ZNF385D: variants seen among roughly 807,000 people sequenced by gnomAD.
ZNF385D encodes zinc finger protein 659.
ZNF385D carries 15 observed loss-of-function variants against 35.8 expected under a neutral mutation model. The observed-to-expected ratio is 0.42, with a 90% CI of 0.28 to 0.64. The LOEUF (loss-of-function observed/expected upper bound fraction) is 0.64. Ranked by LOEUF, ZNF385D falls within the 30% of genes least tolerant of loss-of-function variation. The probability of loss-of-function intolerance (pLI) is 0.23; values close to 1 mark genes in which losing one functional copy is unlikely to be tolerated. For missense variants in ZNF385D, 474 were observed against 494.6 expected, an observed-to-expected ratio of 0.96 and a Z score of 0.39; for synonymous variants, 212 against 186.8, an observed-to-expected ratio of 1.13 and a Z score of -1.10.
At chr3:22,095,085 TTTC>T (rs1248773867) in intron 3 of ZNF385D, among the ~76,000 whole-genome samples, 2 of 127,488 alleles carry the variant, frequency 1.6e-5, no homozygotes, top group African/African-American at 3.0e-5. Flanking sequence ...TTTTTCATTC[TTTC>T]TTTTTTTTTT....
intron 2 of ZNF385D, among the ~76,000 whole-genome samples, chr3:21,652,005 A>G (rs1223301807): frequency 1.3e-5 from 2 of 152,196 alleles, no homozygotes; most frequent in Non-Finnish European, 2.9e-5. Flanking sequence ...CATCATCTCA[A>G]TCAGATTCCA....
At chr3:21,621,120 C>T (rs1025078542) in intron 2 of ZNF385D, among the ~76,000 whole-genome samples, 4 of 152,084 alleles carry the variant, frequency 2.6e-5, no homozygotes, top group African/African-American at 7.2e-5. Flanking sequence ...AGGGAGGCTG[C>T]AAAAGCACAA....
intron 3 of ZNF385D, among the ~76,000 whole-genome samples, chr3:22,113,012 C>A (rs946500041): frequency 6.6e-6 from 1 of 151,980 alleles, no homozygotes; most frequent in Non-Finnish European, 1.5e-5. Flanking sequence ...CCTTGGTCAA[C>A]CCCAACAATC....
intron 2 of ZNF385D, among the ~76,000 whole-genome samples, chr3:21,575,320 C>T (rs141542331): frequency 6.8e-4 from 104 of 152,142 alleles, no homozygotes; most frequent in African/African-American, 1.9e-3. Flanking sequence ...AAAAGTCTTA[C>T]GGTTACTTTG....
At chr3:21,557,126 C>CT (rs2062770492) in intron 3 of ZNF385D, among the ~76,000 whole-genome samples, 1 of 152,180 alleles carries the variant, frequency 6.6e-6, no homozygotes, top group Admixed American at 6.5e-5. Context: ...GACAAGTTGA[C>CT]TTCCCCTTTT....
intron 2 of ZNF385D, among the ~76,000 whole-genome samples, chr3:22,279,002 C>A (rs758101191): frequency 6.6e-6 from 1 of 152,044 alleles, no homozygotes; most frequent in South Asian, 2.1e-4. Context: ...GGACCTAGCC[C>A]TTCTACATTC....
chr3:21,511,101 A>T, intron 3 of ZNF385D, 78 bp from the exon 4 acceptor site: 1 of 1,549,580 alleles, frequency 6.5e-7, no homozygotes, highest in Non-Finnish European at 8.8e-7. Flanking sequence ...GCAAATACAG[A>T]CTCCCTTTCA....
At chr3:21,946,606 T>G (rs1463128095) in intron 3 of ZNF385D, among the ~76,000 whole-genome samples, 1 of 152,048 alleles carries the variant, frequency 6.6e-6, no homozygotes, top group Non-Finnish European at 1.5e-5. Context: ...CTGAGGCAAG[T>G]GGATCACTTG....
intron 4 of ZNF385D, among the ~76,000 whole-genome samples, chr3:21,483,456 C>A (rs1704792178): frequency 6.6e-6 from 1 of 152,052 alleles, no homozygotes; most frequent in Non-Finnish European, 1.5e-5. Context: ...GAGTAAATAC[C>A]CAGCAGTAAG....
At chr3:22,209,029 T>C (rs1308600989) in intron 2 of ZNF385D, among the ~76,000 whole-genome samples, 1 of 151,922 alleles carries the variant, frequency 6.6e-6, no homozygotes, top group Admixed American at 6.6e-5. Context: ...GTCTCAGTCT[T>C]TGATATGGCC....
intron 3 of ZNF385D, among the ~76,000 whole-genome samples, chr3:22,093,565 G>A (rs1414723042): frequency 6.6e-6 from 1 of 151,996 alleles, no homozygotes; most frequent in Non-Finnish European, 1.5e-5. Flanking sequence ...GGATTATGTG[G>A]TTTAAATTAC....
At chr3:21,480,329 C>T (rs1443395656) in intron 4 of ZNF385D, among the ~76,000 whole-genome samples, 4 of 152,060 alleles carry the variant, frequency 2.6e-5, no homozygotes, top group Non-Finnish European at 5.9e-5. Context: ...TCTCGAACTC[C>T]TGACCTCAGG....
chr3:21,677,582 T>C (rs73138843), intron 1 of ZNF385D, among the ~76,000 whole-genome samples: 45 of 152,166 alleles, frequency 3.0e-4, no homozygotes, highest in African/African-American at 7.9e-4. Context: ...CCTAAATAAA[T>C]TTCTAAGAGA....
At chr3:22,323,847 A>G (rs1259409268) in intron 2 of ZNF385D, among the ~76,000 whole-genome samples, 1 of 152,186 alleles carries the variant, frequency 6.6e-6, no homozygotes, top group African/African-American at 2.4e-5. Flanking sequence ...GAGGCCCAGA[A>G]AAGTGAGGAA....
At chr3:22,092,147 T>G (rs1701366847) in intron 3 of ZNF385D, among the ~76,000 whole-genome samples, 1 of 152,198 alleles carries the variant, frequency 6.6e-6, no homozygotes. Flanking sequence ...ATCACTTTAT[T>G]GTCTCTTGGT....
intron 3 of ZNF385D, among the ~76,000 whole-genome samples, chr3:21,897,029 C>T (rs1450133433): frequency 6.6e-6 from 1 of 152,036 alleles, no homozygotes; most frequent in Admixed American, 6.6e-5. Context: ...CCTTGAAAGG[C>T]AGTCATGAAA....
At chr3:21,873,270 A>T (rs567396064) in intron 3 of ZNF385D, among the ~76,000 whole-genome samples, 1 of 152,132 alleles carries the variant, frequency 6.6e-6, no homozygotes, top group Admixed American at 6.6e-5. Context: ...ATCATATGTT[A>T]TAACATTCAA....
At chr3:22,093,086 T>C (rs991255442) in intron 3 of ZNF385D, among the ~76,000 whole-genome samples, 1 of 152,028 alleles carries the variant, frequency 6.6e-6, no homozygotes, top group Non-Finnish European at 1.5e-5. Flanking sequence ...AGAGTGTGGA[T>C]AGTGGGAGAA....
At position 22,361,832 on chromosome 3, in the gene ZNF385D, A is replaced by G. The variant is rs140507017; in HGVS notation, c.106+10618T>C. ...TAGTTTTGCTTCCTTATCTAAAAAA[A>G]GAAAGTAAGGCCTACCCACCTAATT... On this transcript the variant is annotated intron_variant, in intron 2 of 5. Coordinates refer to the ZNF385D transcript ENST00000494108. 6.8e-4 allele frequency among the ~76,000 whole-genome samples: 103 copies of G among 152,156 alleles called. 4 individuals are homozygous for G. In the East Asian group the frequency reaches 0.019, roughly 28 times the overall value.
Sources: gnomAD v4.1 joint callset for allele counts (sites outside exome capture counted in the v4.1 genomes callset) on GRCh38, gnomAD v4.1.1 for gene constraint, MANE v1.5 for transcripts, NCBI Gene and HGNC (gene_info 2026-07-23, HGNC 2026-07-21) for gene names.